The following SPATA22 variants were observed in gnomAD, a reference collection of about 807,000 sequenced individuals.
The protein encoded by SPATA22 is spermatogenesis associated 22, also known as spermatogenesis-associated protein 22.
Under a neutral mutation model 47.8 loss-of-function variants are expected in SPATA22, and 29 were observed. That is an observed-to-expected ratio of 0.61 (90% confidence interval 0.45 to 0.83). SPATA22 has a LOEUF of 0.83. Ranked by LOEUF, SPATA22 falls within the 40% of genes least tolerant of loss-of-function variation. The pLI is 0.00. For synonymous variants in SPATA22, 133 were observed against 140.9 expected, an observed-to-expected ratio of 0.94 and a Z score of 0.40; for missense variants, 410 against 421.7, an observed-to-expected ratio of 0.97 and a Z score of 0.24.
chr17:3,486,728 G>A (rs2073728899), intron 1 of SPATA22, among the ~76,000 whole-genome samples: 1 of 152,082 alleles, frequency 6.6e-6, no homozygotes, highest in South Asian at 2.1e-4. Context: ...TTTAAAAGCA[G>A]GTTGGCAAAC....
chr17:3,440,182 T>C lies in SPATA22; in HGVS notation c.1057A>G (p.Met353Val). 6.2e-7 allele frequency: 1 copy of C among 1,608,494 alleles called. No homozygotes were observed. The highest frequency in any genetic ancestry group is 1.7e-4 in the Middle Eastern group (1 of 6,044). The part of the protein sequence containing the change: ...QAFVKIADVE[M>V]QYYINVMNET The stretch of plus-strand genomic sequence containing the variant: ...TTCATCACATTAATATAATACTGCA[T>C]CTCAACATCTGCAATTTTGACAAAT... Residue 353 changes from methionine (M) to valine (V), a missense_variant, in exon 9 of 9, where the codon ATG becomes GTG. Transcript: ENST00000572969.
In SPATA22 at chr17:3,490,244, C is replaced by T. The variant is rs2073801173; in HGVS notation, c.-73-20846G>A. On this transcript the variant is annotated intron_variant, in intron 1 of 8. Transcript: ENST00000541913. This position sits in a 1 kb window ranked among gnomAD's most constrained non-coding sequence, Gnocchi z 4.6. ...AGAATAATGTATTTATGTATTATTTCTGTAATTAAAAATTAATTAAACGGG... is the reference window on the plus strand; with the variant it reads ...AGAATAATGTATTTATGTATTATTTTTGTAATTAAAAATTAATTAAACGGG... Among the ~76,000 whole-genome samples the T allele has an allele frequency of 6.6e-6, 1 of 152,078 alleles. No homozygotes were observed. The highest frequency in any genetic ancestry group is 6.5e-5 in the Admixed American group (1 of 15,270).
chr17:3,450,718 C>T (rs1460801807), intron 5 of SPATA22, among the ~76,000 whole-genome samples: 1 of 151,818 alleles, frequency 6.6e-6, no homozygotes, highest in Non-Finnish European at 1.5e-5. Flanking sequence ...TTTTATTATT[C>T]ATAGTCTAGA....
intron 1 of SPATA22, among the ~76,000 whole-genome samples, chr17:3,496,520 A>G (rs2073909253): frequency 1.3e-5 from 2 of 152,202 alleles, no homozygotes; most frequent in Admixed American, 1.3e-4. Context: ...AACTTGGAGC[A>G]TCTGAGGAAC....
At chr17:3,495,662 G>A (rs952781031) in intron 1 of SPATA22, among the ~76,000 whole-genome samples, 1 of 152,144 alleles carries the variant, frequency 6.6e-6, no homozygotes, top group Non-Finnish European at 1.5e-5. Context: ...TCCACCTCCC[G>A]GGTTCAAGCA....
intron 3 of SPATA22, among the ~76,000 whole-genome samples, chr17:3,467,082 G>A (rs932859934): frequency 1.3e-5 from 2 of 152,036 alleles, no homozygotes; most frequent in African/African-American, 4.8e-5. Context: ...CACTCCTGAG[G>A]CAATTCAAGT....
intron 4 of SPATA22, 62 bp from the exon 5 acceptor site, chr17:3,462,640 T>C: frequency 6.3e-7 from 1 of 1,579,930 alleles, no homozygotes. Flanking sequence ...GAAATTAAGA[T>C]ATACGTAGAA....
At chr17:3,448,782 C>T in intron 6 of SPATA22, 25 bp downstream of exon 6, 1 of 1,499,332 alleles carries the variant, frequency 6.7e-7, no homozygotes, top group Non-Finnish European at 9.1e-7. Flanking sequence ...GTAAATAAGT[C>T]ATTAATTTGT....
rs545223532 is a variant in SPATA22, at chr17:3,458,855, CAAAAAAAA to C, written c.329+3620_329+3627del. Among the ~76,000 whole-genome samples the C allele has an allele frequency of 1.8e-4, 7 of 38,344 alleles. 1 individual carries two copies. The highest frequency in any genetic ancestry group is 1.4e-3 in the South Asian group (1 of 738). 25.2% of individuals were successfully genotyped at this position (38,344 alleles called of 152,430 possible). ...CCTGGGCAACAAGAGCGAAACTTCACAAAAAAAAAAAAAAAAAAAAAAAAATTCCAAGA... is the reference window on the plus strand; with the variant it reads ...CCTGGGCAACAAGAGCGAAACTTCACAAAAAAAAAAAAAAAAATTCCAAGA... On this transcript the variant is annotated intron_variant, in intron 5 of 8. Coordinates refer to ENST00000572969, the MANE Select transcript of SPATA22 (RefSeq NM_001170698.2).
At chr17:3,456,737 C>T (rs1007789867) in intron 5 of SPATA22, among the ~76,000 whole-genome samples, 2 of 151,642 alleles carry the variant, frequency 1.3e-5, no homozygotes, top group African/African-American at 2.4e-5. Context: ...CGGGCAGAGA[C>T]ACAACAAAAA....
intron 1 of SPATA22, among the ~76,000 whole-genome samples, chr17:3,493,305 G>A (rs1373531281): frequency 1.3e-5 from 2 of 152,184 alleles, no homozygotes; most frequent in African/African-American, 2.4e-5. Context: ...GCTCACGCCT[G>A]TAATCCCAGC....
At chr17:3,493,915 G>C (rs531228822) in intron 1 of SPATA22, among the ~76,000 whole-genome samples, 2 of 152,290 alleles carry the variant, frequency 1.3e-5, no homozygotes, top group African/African-American at 4.8e-5. Flanking sequence ...TTTTGGCCTA[G>C]TGCTGTTTAT....
chr17:3,467,570 CA>C lies in SPATA22; in HGVS notation c.44-17del. 1 of 1,592,398 alleles carries C rather than the reference CA, an allele frequency of 6.3e-7. No individual in the cohort carries two copies. Among genetic ancestry groups the C allele is most frequent in the East Asian group, 2.3e-5 (1 of 44,232 alleles). On this transcript the variant is annotated splice_polypyrimidine_tract_variant and intron_variant, in intron 2 of 8. Transcript: ENST00000572969. ...GGCAAACAGCCTAAATTGAATGTAC[CA>C]ATAAATTAGTACATAATAGACAAAT...
At chr17:3,466,791 A>T (rs569821109) in intron 3 of SPATA22, among the ~76,000 whole-genome samples, 48 of 152,336 alleles carry the variant, frequency 3.2e-4, no homozygotes, top group African/African-American at 9.9e-4. Context: ...CATACCTTTT[A>T]TAAAGTCACT....
chr17:3,491,525 T>C (rs771851879), intron 1 of SPATA22, among the ~76,000 whole-genome samples: 1 of 152,162 alleles, frequency 6.6e-6, no homozygotes. Flanking sequence ...GGCAGGCAGA[T>C]CACTTGAGGT....
intron 1 of SPATA22, among the ~76,000 whole-genome samples, chr17:3,481,954 T>A (rs1489042056): frequency 6.6e-6 from 1 of 151,964 alleles, no homozygotes; most frequent in Admixed American, 6.6e-5. Context: ...GAAAGGGTGC[T>A]ACCAGAACAC....
upstream of SPATA22, among the ~76,000 whole-genome samples, chr17:3,474,671 G>A (rs2073495917): frequency 6.6e-6 from 1 of 152,132 alleles, no homozygotes; most frequent in African/African-American, 2.4e-5. Flanking sequence ...AGCTCTTAAA[G>A]GAAGAACATT....
chr17:3,472,581 T>C (rs967734316), upstream of SPATA22: 1 of 152,240 alleles, frequency 6.6e-6, no homozygotes, highest in Admixed American at 6.5e-5. Context: ...GCCCAGTAAC[T>C]GTTAGCCCTT....
chr17:3,446,720 C>A, intron 6 of SPATA22, 119 bp from the exon 7 acceptor site: 1 of 828,544 alleles, frequency 1.2e-6, no homozygotes, highest in Non-Finnish European at 1.8e-6. Context: ...AAAAGAACTA[C>A]TGAAAATTTT....
Sources: gnomAD v4.1 joint callset for allele counts (sites outside exome capture counted in the v4.1 genomes callset) on GRCh38, gnomAD v4.1.1 for gene constraint, Gnocchi (gnomAD v3.1) non-coding constraint, MANE v1.5 for transcripts, NCBI Gene and HGNC (gene_info 2026-07-23, HGNC 2026-07-21) for gene names.